Variants in METTL25 observed in about 807,000 individuals in gnomAD.
METTL25 encodes the protein probable methyltransferase-like protein 25.
METTL25 carries 64 observed loss-of-function variants against 71.6 expected under a neutral mutation model. The ratio of observed to expected loss-of-function variants is 0.89; its 90% CI spans 0.73 to 1.10. The LOEUF is 1.10. Ranked by LOEUF, METTL25 falls within the 50% of genes least tolerant of loss-of-function variation. The probability of loss-of-function intolerance (pLI) is 0.00; values close to 1 mark genes in which losing one functional copy is unlikely to be tolerated. For synonymous variants in METTL25, 287 were observed against 250.3 expected (o/e 1.15, Z -1.38); for missense variants, 807 against 707.0 (o/e 1.14, Z -1.60).
At chr12:82,422,942 A>G (rs1360804824) in intron 5 of METTL25, among the ~76,000 whole-genome samples, 4 of 152,340 alleles carry the variant, frequency 2.6e-5, no homozygotes, top group Non-Finnish European at 5.9e-5. Context: ...GGATAGGAAG[A>G]ATCAATATTG....
At chr12:82,389,994 T>A in intron 3 of METTL25, 72 bp downstream of exon 3, 1 of 817,068 alleles carries the variant, frequency 1.2e-6, no homozygotes. Flanking sequence ...TATTTCACCT[T>A]TTTACTGTCA....
At chr12:82,434,833 C>T (rs2137165223) in intron 7 of METTL25, 109 bp downstream of exon 7, 1 of 896,382 alleles carries the variant, frequency 1.1e-6, no homozygotes, top group South Asian at 1.4e-5. Flanking sequence ...AATATCTTGT[C>T]CCAGATGCAT....
In METTL25 at chr12:82,449,839, T is replaced by C. The variant is rs1305352802; in HGVS notation, c.1479-6888T>C. On this transcript the variant is annotated intron_variant, in intron 8 of 11. Coordinates refer to ENST00000248306, the MANE Select transcript of METTL25 (RefSeq NM_032230.3). The stretch of plus-strand genomic sequence containing the variant: ...ATTTTCCCCTCTAACCACTGTCCTA[T>C]GTTGGTTCTTTCCTTTATAGCAAAA... Among the ~76,000 whole-genome samples the C allele has an allele frequency of 2.6e-5, 4 of 152,172 alleles. No homozygotes were observed. The South Asian group carries it at 8.3e-4, about 32-fold the overall frequency.
At position 82,417,742 on chromosome 12, in the gene METTL25, C is replaced by A. The variant is rs568192779; in HGVS notation, c.1280-13151C>A. On this transcript the variant is annotated intron_variant, in intron 5 of 11. Transcript: ENST00000248306. ...AGCAGAGTAACCAGCAGATATATAT[C>A]TAGTACATCAGATGGTGATAAGTAC... Among the ~76,000 whole-genome samples, 38 of 152,178 alleles carry A rather than the reference C, an allele frequency of 2.5e-4. No individual in the cohort carries two copies. In the East Asian group the frequency reaches 5.6e-3, roughly 22 times the overall value.
At chr12:82,454,005 A>G (rs1891319435) in intron 8 of METTL25, among the ~76,000 whole-genome samples, 1 of 152,134 alleles carries the variant, frequency 6.6e-6, no homozygotes, top group Admixed American at 6.5e-5. Context: ...ATATTTATTT[A>G]TAAGTGGTAT....
rs146250261 is a variant in METTL25 at position 82,449,223 on chromosome 12, C to G, written c.1479-7504C>G. Reference sequence around the variant, plus strand: ...GCCCTTTTTAATCTGTTCTTAACTTCTCATCATTTGTCTTTCCCAAATAGT... The same window carrying G: ...GCCCTTTTTAATCTGTTCTTAACTTGTCATCATTTGTCTTTCCCAAATAGT... On this transcript the variant is annotated intron_variant, in intron 8 of 11. Transcript: ENST00000248306. Among the ~76,000 whole-genome samples the G allele has an allele frequency of 7.9e-3, 1,199 of 152,260 alleles. 12 individuals carry two copies. The highest frequency in any genetic ancestry group is 0.027 in the African/African-American group (1,134 of 41,554).
At chr12:82,445,969 T>TA (rs1271694494) in intron 8 of METTL25, among the ~76,000 whole-genome samples, 2 of 152,162 alleles carry the variant, frequency 1.3e-5, no homozygotes, top group African/African-American at 2.4e-5. Flanking sequence ...AGTCAACAGT[T>TA]ACATGCAAAT....
chr12:82,372,798 C>T (rs952085965), intron 1 of METTL25, among the ~76,000 whole-genome samples: 2 of 152,112 alleles, frequency 1.3e-5, no homozygotes, highest in African/African-American at 2.4e-5. Context: ...TGTTTCTCCC[C>T]CTGCCCAAGA....
At chr12:82,412,988 GTGAT>G (rs1887671719) in intron 5 of METTL25, among the ~76,000 whole-genome samples, 1 of 151,830 alleles carries the variant, frequency 6.6e-6, no homozygotes, top group South Asian at 2.1e-4. Flanking sequence ...AACAAATTAT[GTGAT>G]TGATTATGCT....
intron 9 of METTL25, among the ~76,000 whole-genome samples, chr12:82,463,091 C>T (rs984554907): frequency 6.6e-6 from 1 of 151,962 alleles, no homozygotes; most frequent in Non-Finnish European, 1.5e-5. Flanking sequence ...TCAGGATCCT[C>T]CTTCTAGCTA....
At chr12:82,475,070 A>G (rs1892806229) in intron 9 of METTL25, among the ~76,000 whole-genome samples, 1 of 152,202 alleles carries the variant, frequency 6.6e-6, no homozygotes, top group African/African-American at 2.4e-5. Context: ...GTGCTTCCCA[A>G]TTTGGCACAA....
intron 9 of METTL25, among the ~76,000 whole-genome samples, chr12:82,464,322 C>T (rs1892093411): frequency 6.6e-6 from 1 of 151,858 alleles, no homozygotes; most frequent in South Asian, 2.1e-4. Context: ...TTTAATTCCT[C>T]AGCATATGGA....
intron 9 of METTL25, among the ~76,000 whole-genome samples, chr12:82,475,710 T>C (rs1265243008): frequency 6.6e-6 from 1 of 152,138 alleles, no homozygotes; most frequent in African/African-American, 2.4e-5. Flanking sequence ...GCAAAAATTA[T>C]AGAATCAATT....
intron 1 of METTL25, among the ~76,000 whole-genome samples, chr12:82,382,289 G>A (rs1555203812): frequency 6.6e-6 from 1 of 152,156 alleles, no homozygotes; most frequent in Non-Finnish European, 1.5e-5. Flanking sequence ...ACAGATCTAG[G>A]CTGTGTGATA....
At chr12:82,424,087 A>G (rs528061346) in intron 5 of METTL25, among the ~76,000 whole-genome samples, 7 of 152,226 alleles carry the variant, frequency 4.6e-5, no homozygotes, top group South Asian at 2.1e-4. Context: ...ACATGCACAC[A>G]TATGTTTATT....
intron 5 of METTL25, among the ~76,000 whole-genome samples, chr12:82,413,462 G>A (rs560142533): frequency 1.3e-5 from 2 of 152,182 alleles, no homozygotes; most frequent in South Asian, 4.1e-4. Context: ...TTATGTATAA[G>A]TTACATTCCA....
chr12:82,441,858 C>T lies in METTL25; in HGVS notation c.1478+3067C>T, dbSNP rs114101753. On this transcript the variant is annotated intron_variant, in intron 8 of 11. Transcript: ENST00000248306. ...AGAAAAACCTGTGACTCCACTCTCA[C>T]CTATGCCAACAAAGGCAAAGAAGTA... Among the ~76,000 whole-genome samples, 868 of 144,218 alleles carry T rather than the reference C, an allele frequency of 6.0e-3. 8 individuals are homozygous for T. The highest frequency in any genetic ancestry group is 0.022 in the African/African-American group (837 of 38,482). 94.6% of individuals were successfully genotyped at this position (144,218 alleles called of 152,430 possible).
intron 8 of METTL25, chr12:82,439,145 CAGAT>C: frequency 6.4e-6 from 1 of 156,948 alleles, no homozygotes; most frequent in East Asian, 1.8e-4. Context: ...TTAATTAGAA[CAGAT>C]ATTGATCATA....
chr12:82,381,544 T>A (rs918118000), intron 1 of METTL25, among the ~76,000 whole-genome samples: 3 of 152,256 alleles, frequency 2.0e-5, no homozygotes, highest in Non-Finnish European at 2.9e-5. Flanking sequence ...AGCACATAAT[T>A]GGATGATATA....
Sources: allele counts gnomAD v4.1 joint callset (sites outside exome capture counted in the v4.1 genomes callset), GRCh38; gene constraint gnomAD v4.1.1; transcripts MANE v1.5; gene names NCBI Gene and HGNC (gene_info 2026-07-23, HGNC 2026-07-21).